The following FAT3 variants were observed in gnomAD, a reference collection of about 807,000 sequenced individuals.
FAT3 encodes the protein FAT atypical cadherin 3.
FAT3 carries 95 observed loss-of-function variants against 310.2 expected under a neutral mutation model. The observed-to-expected ratio is 0.31, with a 90% confidence interval of 0.26 to 0.36. The LOEUF is 0.36. FAT3 is among the 10% of genes least tolerant of loss of function. The pLI is 1.00. For synonymous variants in FAT3, 2,314 were observed against 2,192.9 expected, an observed-to-expected ratio of 1.06 and a Z score of -1.54; for missense variants, 5,408 against 5,715.6, an observed-to-expected ratio of 0.95 and a Z score of 1.74.
chr11:92,658,461 G>A (rs188580054), intron 3 of FAT3, among the ~76,000 whole-genome samples: 122 of 152,260 alleles, frequency 8.0e-4, no homozygotes, highest in African/African-American at 2.7e-3. Flanking sequence ...AGTGGGGTGA[G>A]GCAGGGTCTC....
chr11:92,492,041 A>G (rs1416294083), intron 2 of FAT3, among the ~76,000 whole-genome samples: 1 of 152,062 alleles, frequency 6.6e-6, no homozygotes, highest in East Asian at 1.9e-4. Flanking sequence ...ATGCAGTAAT[A>G]TAGTGGTACT....
chr11:92,747,629 A>T (rs936724227), intron 4 of FAT3, among the ~76,000 whole-genome samples: 33 of 152,242 alleles, frequency 2.2e-4, no homozygotes, highest in African/African-American at 7.5e-4. Flanking sequence ...TTTCTATCGC[A>T]TTGTTAGGCT....
At chr11:92,778,713 C>A (rs775757546) in intron 7 of FAT3, among the ~76,000 whole-genome samples, 1 of 151,788 alleles carries the variant, frequency 6.6e-6, no homozygotes, top group Non-Finnish European at 1.5e-5. Flanking sequence ...TTTTTTTCAG[C>A]CAGTAACTCT....
Position 92,240,753 on chromosome 11 carries a change from A to G in FAT3, c.-18+15579A>G, listed in dbSNP as rs745421. Among the ~76,000 whole-genome samples, 98 of 152,156 alleles carry G rather than the reference A, an allele frequency of 6.4e-4. No homozygotes were observed. The East Asian group carries it at 0.016, about 26-fold the overall frequency. On this transcript the variant is annotated intron_variant, in intron 1 of 27. Transcript: ENST00000525166. Reference sequence around the variant, plus strand: ...GTAGACATGCATTATTCTTGGCTCAAATAATACATATCCATTGACAAAAGC... The same window carrying G: ...GTAGACATGCATTATTCTTGGCTCAGATAATACATATCCATTGACAAAAGC...
At chr11:92,249,765 C>A (rs1865065984) in intron 1 of FAT3, among the ~76,000 whole-genome samples, 1 of 152,058 alleles carries the variant, frequency 6.6e-6, no homozygotes, top group Non-Finnish European at 1.5e-5. Context: ...GTGCCAGCAG[C>A]AAACCCTCCT....
chr11:92,624,859 G>A (rs1352984902), intron 3 of FAT3, among the ~76,000 whole-genome samples: 1 of 152,208 alleles, frequency 6.6e-6, no homozygotes, highest in East Asian at 1.9e-4. Context: ...TGAGGACTCT[G>A]AGAGACGATC....
At chr11:92,261,537 T>C (rs16917261) in intron 1 of FAT3, among the ~76,000 whole-genome samples, 2,220 of 152,236 alleles carry the variant, frequency 0.015, 41 homozygotes, top group African/African-American at 0.047. Flanking sequence ...GGCTATTTTC[T>C]TATATATAGA....
intron 3 of FAT3, among the ~76,000 whole-genome samples, chr11:92,664,554 C>A (rs1291186393): frequency 6.6e-6 from 1 of 152,158 alleles, no homozygotes; most frequent in African/African-American, 2.4e-5. Context: ...AGAGATAAAA[C>A]ATCTAACACA....
chr11:92,726,430 TG>T (rs750803172), intron 4 of FAT3, among the ~76,000 whole-genome samples: 7 of 152,120 alleles, frequency 4.6e-5, no homozygotes, highest in Non-Finnish European at 5.9e-5. Context: ...ACCATAACAA[TG>T]GGAACTGGTG....
chr11:92,850,898 A>G (rs975286787), intron 19 of FAT3, among the ~76,000 whole-genome samples: 1 of 152,194 alleles, frequency 6.6e-6, no homozygotes, highest in Admixed American at 6.5e-5. Flanking sequence ...CAAAGCTTTG[A>G]TGCTTCTGCT....
chr11:92,477,845 A>T (rs901931055), intron 2 of FAT3, among the ~76,000 whole-genome samples: 3 of 152,222 alleles, frequency 2.0e-5, no homozygotes, highest in African/African-American at 7.2e-5. Context: ...ATCAGACTTG[A>T]CCTTGCTTAA....
chr11:92,889,975 T>A (rs907712637), intron 27 of FAT3, 84 bp downstream of exon 27: 14 of 717,404 alleles, frequency 2.0e-5, no homozygotes, highest in Middle Eastern at 2.3e-4. Context: ...CCTGTGCCTC[T>A]GCCCTGATCT....
chr11:92,660,497 T>A (rs1474648644), intron 3 of FAT3, among the ~76,000 whole-genome samples: 1 of 152,154 alleles, frequency 6.6e-6, no homozygotes, highest in East Asian at 1.9e-4. Flanking sequence ...GTGTGTCTGC[T>A]GAGATGTCCA....
At chr11:92,783,424 G>T (rs1020938114) in intron 7 of FAT3, among the ~76,000 whole-genome samples, 1 of 147,532 alleles carries the variant, frequency 6.8e-6, no homozygotes, top group Admixed American at 6.8e-5. Flanking sequence ...TTAGGAAAAT[G>T]CTGGAACAAC....
chr11:92,779,508 G>C (rs1462259350), intron 7 of FAT3, among the ~76,000 whole-genome samples: 1 of 151,932 alleles, frequency 6.6e-6, no homozygotes, highest in Non-Finnish European at 1.5e-5. Flanking sequence ...GAGTATAACA[G>C]ACTGAAACAC....
intron 3 of FAT3, among the ~76,000 whole-genome samples, chr11:92,581,858 C>T (rs112519519): frequency 1.3e-3 from 198 of 152,074 alleles, no homozygotes; most frequent in African/African-American, 4.6e-3. Context: ...TCCAGACTCA[C>T]AGAGAGGGTT....
chr11:92,604,311 G>C (rs35340534), intron 3 of FAT3, among the ~76,000 whole-genome samples: 83 of 152,122 alleles, frequency 5.5e-4, no homozygotes, highest in Non-Finnish European at 1.0e-3. Context: ...TTATGACTTT[G>C]TACTCAGGGA....
chr11:92,227,300 G>A (rs1204882723), intron 1 of FAT3, among the ~76,000 whole-genome samples: 1 of 152,218 alleles, frequency 6.6e-6, no homozygotes, highest in Non-Finnish European at 1.5e-5. Context: ...CGGGGGAGCA[G>A]GCCTACCAGT....
Position 92,231,870 on chromosome 11 carries a change from G to A in FAT3, c.-18+6696G>A, listed in dbSNP as rs562303241. Among the ~76,000 whole-genome samples, 12 of 151,808 alleles carry A rather than the reference G, an allele frequency of 7.9e-5. No homozygotes were observed. The East Asian group carries it at 1.7e-3, about 22-fold the overall frequency. On this transcript the variant is annotated intron_variant, in intron 1 of 27. Coordinates refer to ENST00000525166, the MANE Select transcript of FAT3 (RefSeq NM_001367949.2). Reference sequence around the variant, plus strand: ...TGTGTTTTCTTTCAAAGCAAAATGAGGCTATATCTTGGTAGCAGGATCAGC... The same window carrying A: ...TGTGTTTTCTTTCAAAGCAAAATGAAGCTATATCTTGGTAGCAGGATCAGC...
Sources: allele counts gnomAD v4.1 joint callset (sites outside exome capture counted in the v4.1 genomes callset), GRCh38; gene constraint gnomAD v4.1.1; transcripts MANE v1.5; gene names NCBI Gene and HGNC (gene_info 2026-07-23, HGNC 2026-07-21).